Variants in DCTN4 observed in about 807,000 individuals in gnomAD.
DCTN4 encodes the protein dynactin 4 (p62).
DCTN4 carries 23 observed loss-of-function variants against 62.7 expected under a neutral mutation model. The ratio of observed to expected loss-of-function variants is 0.37; its 90% CI spans 0.26 to 0.52. The LOEUF (loss-of-function observed/expected upper bound fraction) is 0.52, where lower values mean the gene tolerates loss of function less well. Ranked by LOEUF, DCTN4 falls within the 20% of genes least tolerant of loss-of-function variation. DCTN4 has a pLI of 0.92. For synonymous variants in DCTN4, 199 were observed against 202.1 expected, an observed-to-expected ratio of 0.98 and a Z score of 0.13; for missense variants, 514 against 580.4, an observed-to-expected ratio of 0.89 and a Z score of 1.18.
intron 8 of DCTN4, 111 bp from the exon 9 acceptor site, chr5:150,723,091 G>A (rs1327941025): frequency 2.6e-6 from 2 of 771,334 alleles, no homozygotes; most frequent in Non-Finnish European, 4.2e-6. Context: ...GTTTTGTTTT[G>A]TTCTGCTATA....
intron 8 of DCTN4, among the ~76,000 whole-genome samples, chr5:150,728,383 T>C (rs999561972): frequency 7.9e-5 from 12 of 152,150 alleles, no homozygotes; most frequent in South Asian, 4.1e-4. Flanking sequence ...TCTGCAGACA[T>C]TGGGTACAGT....
chr5:150,730,092 A>G (rs1270747520), intron 8 of DCTN4, among the ~76,000 whole-genome samples: 1 of 152,240 alleles, frequency 6.6e-6, no homozygotes, highest in Non-Finnish European at 1.5e-5. Flanking sequence ...CTCAAGAGCC[A>G]CATGTGCCTA....
At chr5:150,753,444 G>T (rs766872742) in intron 3 of DCTN4, 35 bp downstream of exon 3, 1 of 1,594,586 alleles carries the variant, frequency 6.3e-7, no homozygotes, top group East Asian at 2.2e-5. Flanking sequence ...ACTGTCAATT[G>T]TACAAAATTT....
chr5:150,711,598 C>T (rs1178683788), intron 12 of DCTN4, among the ~76,000 whole-genome samples: 4 of 151,918 alleles, frequency 2.6e-5, no homozygotes, highest in African/African-American at 4.8e-5. Flanking sequence ...CTCTGTTTCA[C>T]GGGCTCAAGT....
At chr5:150,712,762 T>G (rs1284692477) in intron 12 of DCTN4, among the ~76,000 whole-genome samples, 1 of 152,234 alleles carries the variant, frequency 6.6e-6, no homozygotes, top group Non-Finnish European at 1.5e-5. Flanking sequence ...AGTTTGTGCT[T>G]TAATAACTTA....
intron 9 of DCTN4, among the ~76,000 whole-genome samples, chr5:150,721,938 C>T (rs1470557628): frequency 1.3e-5 from 2 of 152,126 alleles, no homozygotes; most frequent in East Asian, 3.9e-4. Context: ...GGTCCTCTCA[C>T]CTCAGACTCC....
At chr5:150,741,429 C>T (rs1026723323) in intron 4 of DCTN4, among the ~76,000 whole-genome samples, 1 of 152,160 alleles carries the variant, frequency 6.6e-6, no homozygotes, top group Non-Finnish European at 1.5e-5. Context: ...CCTGCCTTAG[C>T]TTCCTGAGTA....
At chr5:150,722,168 C>A (rs1322352249) in intron 9 of DCTN4, among the ~76,000 whole-genome samples, 1 of 152,086 alleles carries the variant, frequency 6.6e-6, no homozygotes, top group East Asian at 1.9e-4. Context: ...TTGCTAAGGT[C>A]AAAGGTGTTT....
In DCTN4 at chr5:150,709,282, C is replaced by T. The variant is rs906589128; in HGVS notation, c.*1867G>A. The T allele has an allele frequency of 1.3e-5, 2 of 152,408 alleles. No homozygotes were observed. Among genetic ancestry groups the T allele is most frequent in the Non-Finnish European group, 2.9e-5 (2 of 68,042 alleles). The allele number at this position is 152,408 out of a possible 1,614,324, so 9.4% of individuals were successfully genotyped here. A position where few individuals can be genotyped will look rare whatever the true frequency, so the allele number is the denominator to read the frequency against. On this transcript the variant is annotated 3_prime_UTR_variant, in exon 13 of 13. Transcript: ENST00000447998. ...GTGTATGGGAATGATGAGACCCATA[C>T]TTCAACATTATTACTTTGGGGAATA...
At chr5:150,717,985 T>C (rs183284765) in intron 11 of DCTN4, among the ~76,000 whole-genome samples, 23 of 152,346 alleles carry the variant, frequency 1.5e-4, no homozygotes, top group Admixed American at 1.4e-3. Flanking sequence ...AGTTAGATTT[T>C]AGAAGTATCA....
chr5:150,727,783 A>C (rs1022528382), intron 8 of DCTN4, among the ~76,000 whole-genome samples: 4 of 149,568 alleles, frequency 2.7e-5, no homozygotes. Flanking sequence ...CTCAAAAAAA[A>C]AAAAAAAAAA....
chr5:150,711,065 G>A lies in DCTN4; in HGVS notation c.*84C>T. On this transcript the variant is annotated 3_prime_UTR_variant, in exon 13 of 13. Coordinates refer to ENST00000447998, the MANE Select transcript of DCTN4 (RefSeq NM_016221.4). ...TGCATGGGTACATCGTTATAAACAA[G>A]GCCTAATGAAGCAGCAGCTTCCACA... 1 of 1,287,112 alleles carries A rather than the reference G, an allele frequency of 7.8e-7. No individual in the cohort carries two copies. Among genetic ancestry groups the A allele is most frequent in the Non-Finnish European group, 1.1e-6 (1 of 899,644 alleles). 79.7% of individuals were successfully genotyped at this position (1,287,112 alleles called of 1,614,324 possible). A position where few individuals can be genotyped will look rare whatever the true frequency, so the allele number is the denominator to read the frequency against.
chr5:150,726,817 A>G (rs1760161664), intron 8 of DCTN4, among the ~76,000 whole-genome samples: 1 of 152,220 alleles, frequency 6.6e-6, no homozygotes, highest in African/African-American at 2.4e-5. Context: ...TAAGCAGAAG[A>G]ACAGCTGTTC....
At chr5:150,756,193 C>T (rs1317382288) in intron 2 of DCTN4, among the ~76,000 whole-genome samples, 3 of 152,128 alleles carry the variant, frequency 2.0e-5, no homozygotes, top group South Asian at 4.1e-4. Context: ...AGGCGCGTGC[C>T]ACCACACCTA....
At chr5:150,751,744 TTC>T (rs1258599900) in intron 3 of DCTN4, among the ~76,000 whole-genome samples, 2 of 151,110 alleles carry the variant, frequency 1.3e-5, no homozygotes, top group African/African-American at 2.5e-5. Flanking sequence ...TTATTTAACT[TTC>T]TGTTTTTGAA....
At chr5:150,747,525 A>C (rs1029301720) in intron 3 of DCTN4, among the ~76,000 whole-genome samples, 26 of 152,244 alleles carry the variant, frequency 1.7e-4, no homozygotes, top group Non-Finnish European at 3.2e-4. Flanking sequence ...CATCACACTA[A>C]CTGACTTCAA....
intron 12 of DCTN4, among the ~76,000 whole-genome samples, chr5:150,711,691 A>G (rs1272071084): frequency 3.3e-5 from 5 of 151,898 alleles, no homozygotes; most frequent in South Asian, 2.1e-4. Context: ...ATTAATACGT[A>G]TATTTTTTGG....
intron 3 of DCTN4, among the ~76,000 whole-genome samples, chr5:150,751,242 T>C (rs1752666172): frequency 6.6e-6 from 1 of 152,148 alleles, no homozygotes. Flanking sequence ...GCTTCTGAGA[T>C]ACCAATGACA....
intron 2 of DCTN4, 73 bp downstream of exon 2, chr5:150,756,344 G>T: frequency 2.7e-6 from 3 of 1,127,568 alleles, no homozygotes; most frequent in South Asian, 1.6e-5. Flanking sequence ...TGGCCCATGT[G>T]TCTTTTTAAC....
Sources: allele counts gnomAD v4.1 joint callset (sites outside exome capture counted in the v4.1 genomes callset), GRCh38; gene constraint gnomAD v4.1.1; transcripts MANE v1.5; gene names NCBI Gene and HGNC (gene_info 2026-07-23, HGNC 2026-07-21).